EDA: variants seen among roughly 807,000 people sequenced by gnomAD.
The protein encoded by EDA is ectodysplasin-A.
A neutral mutation model predicts 23.6 loss-of-function variants in EDA; 2 were observed. The ratio of observed to expected loss-of-function variants is 0.08; its 90% CI spans 0.03 to 0.27. The LOEUF (loss-of-function observed/expected upper bound fraction) is 0.27. Among genes scored for constraint, EDA ranks in the 10% least tolerant of loss-of-function variants. The pLI, the probability that EDA is intolerant of heterozygous loss-of-function variation, is 1.00. For missense variants in EDA, 229 were observed against 324.2 expected (o/e 0.71, Z 2.26); for synonymous variants, 131 against 132.0 (o/e 0.99, Z 0.05).
intron 1 of EDA, among the ~76,000 whole-genome samples, chrX:69,765,217 T>G (rs1374488492): frequency 8.9e-6 from 1 of 112,377 alleles, no homozygotes; most frequent in Non-Finnish European, 1.9e-5. Context: ...ATTCATTCAT[T>G]CATTTTCATG....
intron 1 of EDA, among the ~76,000 whole-genome samples, chrX:69,916,062 A>G (rs2018338070): frequency 8.9e-6 from 1 of 111,945 alleles, no homozygotes; most frequent in South Asian, 3.7e-4. Context: ...CGTTAAGTGC[A>G]GACTTTGAAG....
At chrX:69,735,085 G>A (rs965974079) in intron 1 of EDA, among the ~76,000 whole-genome samples, 9 of 111,421 alleles carry the variant, frequency 8.1e-5, no homozygotes, top group Admixed American at 5.7e-4. Flanking sequence ...TGTTCATACC[G>A]GCATTATTTA....
At chrX:69,869,525 C>T (rs2017534276) in intron 1 of EDA, among the ~76,000 whole-genome samples, 1 of 111,562 alleles carries the variant, frequency 9.0e-6, no homozygotes, top group Non-Finnish European at 1.9e-5. Context: ...CCCCTTCATT[C>T]AAGGGGTTCT....
At chrX:70,025,131 T>G (rs1406481634) in intron 3 of EDA, among the ~76,000 whole-genome samples, 4 of 105,104 alleles carry the variant, frequency 3.8e-5, no homozygotes, top group Admixed American at 1.0e-4. Context: ...AAAGCAGGAG[T>G]TTTTTTTTTT....
At chrX:69,933,821 G>C (rs918824809) in intron 1 of EDA, among the ~76,000 whole-genome samples, 1 of 111,826 alleles carries the variant, frequency 8.9e-6, no homozygotes, top group Non-Finnish European at 1.9e-5. Flanking sequence ...ATTAGTCTTT[G>C]CAATATTAAA....
At chrX:69,774,651 A>G (rs2014729606) in intron 1 of EDA, among the ~76,000 whole-genome samples, 1 of 111,836 alleles carries the variant, frequency 8.9e-6, no homozygotes, top group South Asian at 3.7e-4. Flanking sequence ...AACCTGTCAT[A>G]TTGTTTTAAA....
chrX:69,895,207 C>T (rs1602516486), intron 1 of EDA, among the ~76,000 whole-genome samples: 1 of 111,195 alleles, frequency 9.0e-6, no homozygotes. Context: ...TGATGAATCG[C>T]ATTTATTGAT....
chrX:69,869,040 G>A (rs1047982897), intron 1 of EDA, among the ~76,000 whole-genome samples: 1 of 111,785 alleles, frequency 8.9e-6, no homozygotes, highest in Non-Finnish European at 1.9e-5. Flanking sequence ...CTGCAATCCC[G>A]CCACTGATGC....
chrX:69,963,854 A>AT (rs1267552773), intron 2 of EDA, among the ~76,000 whole-genome samples: 1 of 111,663 alleles, frequency 9.0e-6, no homozygotes, highest in Non-Finnish European at 1.9e-5. Flanking sequence ...TATTTATGGG[A>AT]TTTTTTAAAT....
chrX:69,830,513 A>G (rs1315918169), intron 1 of EDA, among the ~76,000 whole-genome samples: 1 of 112,159 alleles, frequency 8.9e-6, no homozygotes, highest in African/African-American at 3.2e-5. Flanking sequence ...AATCCTCAAA[A>G]TATTAAACTT....
intron 1 of EDA, among the ~76,000 whole-genome samples, chrX:69,820,173 AGAGTTC>A (rs1486364328): frequency 9.0e-6 from 1 of 111,628 alleles, no homozygotes; most frequent in African/African-American, 3.3e-5. Flanking sequence ...ATTGGTGCTG[AGAGTTC>A]TATCTAGCCA....
chrX:69,910,990 A>G (rs12856778), intron 1 of EDA, among the ~76,000 whole-genome samples: 12,085 of 111,451 alleles, frequency 0.11, 681 homozygotes, highest in Non-Finnish European at 0.16. Context: ...CATATTGTAT[A>G]CTGGATACTA....
intron 1 of EDA, among the ~76,000 whole-genome samples, chrX:69,932,950 TG>T (rs2018620200): frequency 9.0e-6 from 1 of 111,015 alleles, no homozygotes. Flanking sequence ...TTTTTTTTTT[TG>T]AGGAATATAC....
intron 1 of EDA, among the ~76,000 whole-genome samples, chrX:69,825,391 A>T (rs2016389538): frequency 9.2e-6 from 1 of 108,810 alleles, no homozygotes. Context: ...TTATTGGTCT[A>T]TTCAGAGATT....
intron 1 of EDA, among the ~76,000 whole-genome samples, chrX:69,900,381 TTAG>T: frequency 9.3e-6 from 1 of 107,832 alleles, no homozygotes; most frequent in East Asian, 2.9e-4. Context: ...ATGAATTAAT[TTAG>T]TAGTCATAAC....
intron 1 of EDA, among the ~76,000 whole-genome samples, chrX:69,728,496 A>G (rs957640024): frequency 2.7e-5 from 3 of 112,108 alleles, no homozygotes; most frequent in Non-Finnish European, 1.9e-5. Flanking sequence ...GAAGAATTTG[A>G]TGTATTCAGG....
chrX:69,677,897 A>G (rs1338182480), intron 1 of EDA, among the ~76,000 whole-genome samples: 2 of 111,872 alleles, frequency 1.8e-5, no homozygotes, highest in African/African-American at 6.5e-5. Context: ...GTCCTTGCCC[A>G]TGCCTATGTC....
At chrX:70,017,845 A>G (rs767150004) in intron 2 of EDA, among the ~76,000 whole-genome samples, 4 of 111,969 alleles carry the variant, frequency 3.6e-5, no homozygotes, top group Non-Finnish European at 3.8e-5. Context: ...TGGAACTACT[A>G]GCCACAGCAA....
chrX:69,938,363 G>A (rs1320370248), intron 1 of EDA, among the ~76,000 whole-genome samples: 1 of 112,339 alleles, frequency 8.9e-6, no homozygotes, highest in Non-Finnish European at 1.9e-5. Context: ...GATAGATGAT[G>A]TTGAGTACCT....
Sources: gnomAD v4.1 joint callset for allele counts (sites outside exome capture counted in the v4.1 genomes callset) on GRCh38, gnomAD v4.1.1 for gene constraint, MANE v1.5 for transcripts, NCBI Gene and HGNC (gene_info 2026-07-23, HGNC 2026-07-21) for gene names.